The following ORC6 variants were observed in gnomAD, a reference collection of about 807,000 sequenced individuals.
ORC6 encodes origin recognition complex, subunit 6 homolog-like (yeast).
Under a neutral mutation model 30.0 loss-of-function variants are expected in ORC6, and 31 were observed. That is an observed-to-expected ratio of 1.03 (90% CI 0.78 to 1.40). ORC6 has a LOEUF of 1.40. Ranked by LOEUF, ORC6 falls within the 40% of genes most tolerant of loss-of-function variation. The pLI, the probability that ORC6 is intolerant of heterozygous loss-of-function variation, is 0.00. For missense variants in ORC6, 340 were observed against 304.3 expected (o/e 1.12, Z -0.87); for synonymous variants, 136 against 111.2 (o/e 1.22, Z -1.40).
At chr16:46,693,052 A>ATATT in intron 3 of ORC6, 41 bp from the exon 4 acceptor site, 1 of 1,310,032 alleles carries the variant, frequency 7.6e-7, no homozygotes, top group Non-Finnish European at 1.1e-6. Flanking sequence ...TTTTCAAATA[A>ATATT]TATTTTCTAA....
chr16:46,692,915 A>G (rs554159784), intron 3 of ORC6, among the ~76,000 whole-genome samples, 178 bp from the exon 4 acceptor site: 1 of 152,084 alleles, frequency 6.6e-6, no homozygotes, highest in Non-Finnish European at 1.5e-5. Flanking sequence ...ATTTATACTG[A>G]TAGATACAAA....
Position 46,693,123 on chromosome 16 carries a change from A to G in ORC6, c.390A>G (p.Gln130=), listed in dbSNP as rs372048763. The G allele has an allele frequency of 1.2e-5, 19 of 1,612,672 alleles. No homozygotes were observed. Among genetic ancestry groups the G allele is most frequent in the Non-Finnish European group, 1.5e-5 (18 of 1,178,664 alleles). The change falls in exon 4 of 7, where the codon CAA becomes CAG. Residue 130 remains glutamine, a synonymous_variant. Transcript: ENST00000219097. ...AGTCCAGTCTTCCCCAGACACAGCA[A>G]GTGGATCTTGACTTATCCAGGCCAC... ...SYESSLPQTQ[Q]VDLDLSRPLF... is the part of the protein sequence containing the mutation.
intron 6 of ORC6, among the ~76,000 whole-genome samples, chr16:46,696,862 C>G (rs1966522849): frequency 6.6e-6 from 1 of 152,060 alleles, no homozygotes; most frequent in Non-Finnish European, 1.5e-5. Context: ...CACTATGTTA[C>G]CCAGGCTGGT....
chr16:46,695,966 T>A (rs746412168), intron 5 of ORC6, 51 bp from the exon 6 acceptor site: 1 of 1,310,746 alleles, frequency 7.6e-7, no homozygotes, highest in Non-Finnish European at 1.1e-6. Flanking sequence ...CATGCCCAAA[T>A]ACTGAAATTG....
chr16:46,691,020 G>A lies in ORC6; in HGVS notation c.95G>A (p.Arg32Gln), dbSNP rs1428190451. The change falls in exon 2 of 7, where the codon CGG becomes CAG. Residue 32 changes from arginine to glutamine, a missense_variant. Coordinates refer to ENST00000219097, the MANE Select transcript of ORC6 (RefSeq NM_014321.4). ...GCAGAGGAGTACTTGCGCCTGTCCC[G>A]GGTGAAGTGTGTCGGCCTCTCCGCA... ...RKAEEYLRLS[R>Q]VKCVGLSART... 1 of 1,614,194 alleles carries A rather than the reference G, an allele frequency of 6.2e-7. No homozygotes were observed.
rs1966541900 is a variant in ORC6, at chr16:46,698,139, C to T, written c.*554C>T. The T allele has an allele frequency of 2.3e-6, 1 of 425,936 alleles. No individual in the cohort carries two copies. The highest frequency in any genetic ancestry group is 4.8e-6 in the Non-Finnish European group (1 of 208,714). The allele number at this position is 425,936 out of a possible 1,614,324, so 26.4% of individuals were successfully genotyped here. On this transcript the variant is annotated 3_prime_UTR_variant, in exon 7 of 7. Transcript: ENST00000219097. ...ATAAATAAATAGATAGATACTCCAGCCTGGGTGACAGAGCGAGACTTATAG... is the reference window on the plus strand; with the variant it reads ...ATAAATAAATAGATAGATACTCCAGTCTGGGTGACAGAGCGAGACTTATAG...
chr16:46,692,322 G>C (rs1392653937), intron 2 of ORC6, 60 bp from the exon 3 acceptor site: 1 of 1,369,288 alleles, frequency 7.3e-7, no homozygotes, highest in African/African-American at 1.4e-5. Flanking sequence ...AGTGTTTAAG[G>C]GTACTAATAT....
rs773435958 is a variant in ORC6 at position 46,697,784 on chromosome 16, G to T, written c.*199G>T. 2.5e-5 allele frequency: 17 copies of T among 679,618 alleles called. No individual in the cohort carries two copies. Among genetic ancestry groups the T allele is most frequent in the South Asian group, 1.6e-4 (11 of 66,708 alleles). The allele number at this position is 679,618 out of a possible 1,614,324, so 42.1% of individuals were successfully genotyped here. On this transcript the variant is annotated 3_prime_UTR_variant, in exon 7 of 7. Coordinates refer to ENST00000219097, the MANE Select transcript of ORC6 (RefSeq NM_014321.4). ...TGGTGTGAGCATTAGACCAGCCACAGTGCCTGATTGGTATAGCCTTATGTG... is the reference window on the plus strand; with the variant it reads ...TGGTGTGAGCATTAGACCAGCCACATTGCCTGATTGGTATAGCCTTATGTG...
intron 6 of ORC6, among the ~76,000 whole-genome samples, chr16:46,696,435 A>T (rs539139031): frequency 2.0e-5 from 3 of 152,184 alleles, no homozygotes; most frequent in Non-Finnish European, 4.4e-5. Flanking sequence ...TTGTATAACA[A>T]GTCAGCTGGT....
chr16:46,697,353 T>C, intron 6 of ORC6, 105 bp from the exon 7 acceptor site: 1 of 1,068,576 alleles, frequency 9.4e-7, no homozygotes, highest in Non-Finnish European at 1.4e-6. Context: ...CTCCATGTCA[T>C]TTCAGTATCT....
At chr16:46,693,453 A>G (rs1298783934) in intron 4 of ORC6, 1 of 518,314 alleles carries the variant, frequency 1.9e-6, no homozygotes, top group African/African-American at 1.9e-5. Context: ...GTAAGAGATG[A>G]TATCTGTCAT....
chr16:46,697,685 G>A lies in ORC6; in HGVS notation c.*100G>A. 1 of 1,304,632 alleles carries A rather than the reference G, an allele frequency of 7.7e-7. No homozygotes were observed. The highest frequency in any genetic ancestry group is 1.1e-6 in the Non-Finnish European group (1 of 903,236). 80.8% of individuals were successfully genotyped at this position (1,304,632 alleles called of 1,614,324 possible). On this transcript the variant is annotated 3_prime_UTR_variant, in exon 7 of 7. Transcript: ENST00000219097. ...GATTTTGTTTAAACTTTTATAATAA[G>A]GATCCTAAGACTGTTGCCTTTAAAT...
In ORC6 at chr16:46,698,207, A is replaced by G. The variant is rs1265720123; in HGVS notation, c.*622A>G. ...TGGATAGATAGATAGATAGATAGAT[A>G]GATAGATAAACGGAATTGGAGCCAT... is the stretch of plus-strand genomic sequence containing the variant. On this transcript the variant is annotated 3_prime_UTR_variant, in exon 7 of 7. Coordinates refer to ENST00000219097, the MANE Select transcript of ORC6 (RefSeq NM_014321.4). 1 of 455,256 alleles carries G rather than the reference A, an allele frequency of 2.2e-6. No individual in the cohort carries two copies. Among genetic ancestry groups the G allele is most frequent in the African/African-American group, 2.0e-5 (1 of 50,094 alleles). 28.2% of individuals were successfully genotyped at this position (455,256 alleles called of 1,614,324 possible). A position where few individuals can be genotyped will look rare whatever the true frequency, so the allele number is the denominator to read the frequency against.
At position 46,698,183 on chromosome 16, in the gene ORC6, GGATA is replaced by G. The variant is rs60635029; in HGVS notation, c.*627_*630del. 11,897 of 429,100 alleles carry G rather than the reference GGATA, an allele frequency of 0.028. 203 individuals carry two copies. Among genetic ancestry groups the G allele is most frequent in the Middle Eastern group, 0.064 (85 of 1,338 alleles). The allele number at this position is 429,100 out of a possible 1,614,324, so 26.6% of individuals were successfully genotyped here. A position where few individuals can be genotyped will look rare whatever the true frequency, so the allele number is the denominator to read the frequency against. On this transcript the variant is annotated 3_prime_UTR_variant, in exon 7 of 7. Coordinates refer to ENST00000219097, the MANE Select transcript of ORC6 (RefSeq NM_014321.4). ...CTTATAGATAGATAGATAGATAGAT[GGATA>G]GATAGATAGATAGATAGATAGATAG...
intron 6 of ORC6, 31 bp from the exon 7 acceptor site, chr16:46,697,427 T>C (rs1204217757): frequency 6.3e-7 from 1 of 1,595,276 alleles, no homozygotes. Context: ...AGCTAAGAAT[T>C]TTGAAATTGC....
Position 46,695,932 on chromosome 16 carries a change from T to C in ORC6, c.563-85T>C. 10 of 1,003,818 alleles carry C rather than the reference T, an allele frequency of 1.0e-5. No homozygotes were observed. The Admixed American group carries it at 1.7e-4, about 17-fold the overall frequency. The allele number at this position is 1,003,818 out of a possible 1,614,324, so 62.2% of individuals were successfully genotyped here. A position where few individuals can be genotyped will look rare whatever the true frequency, so the allele number is the denominator to read the frequency against. ...TCCTCATATTTGATCAGTTAAGATG[T>C]CTAATTTTATTTGTGATCCAAAACA... On this transcript the variant is annotated intron_variant, in intron 5 of 6. Transcript: ENST00000219097.
chr16:46,691,264 A>G, intron 2 of ORC6, 144 bp downstream of exon 2: 1 of 823,032 alleles, frequency 1.2e-6, no homozygotes, highest in Admixed American at 2.0e-5. Context: ...ATACTGTAGA[A>G]TCATTTTGCA....
rs766610225 is a variant in ORC6 at position 46,691,129 on chromosome 16, G to T, written c.195+9G>T. On this transcript the variant is annotated intron_variant, in intron 2 of 6. Transcript: ENST00000219097. The stretch of plus-strand genomic sequence containing the variant: ...AGTGCCCCTTGGACAGGGTAAGTAG[G>T]TCCCACCGAATGTCTGAATAATCCA... 1 of 1,613,898 alleles carries T rather than the reference G, an allele frequency of 6.2e-7. No individual in the cohort carries two copies. The highest frequency in any genetic ancestry group is 2.2e-5 in the East Asian group (1 of 44,878).
At chr16:46,693,865 T>TA in intron 4 of ORC6, 1 of 99,166 alleles carries the variant, frequency 1.0e-5, no homozygotes, top group East Asian at 2.8e-4. Context: ...TTTTTTTTTT[T>TA]AATTTATTTT....
Sources: allele counts gnomAD v4.1 joint callset (sites outside exome capture counted in the v4.1 genomes callset), GRCh38; gene constraint gnomAD v4.1.1; transcripts MANE v1.5; gene names NCBI Gene and HGNC (gene_info 2026-07-23, HGNC 2026-07-21).